Variants in PAN3 observed in about 807,000 individuals in gnomAD.
The protein encoded by PAN3 is PAN2-PAN3 deadenylation complex subunit PAN3.
In PAN3, 19 loss-of-function variants were observed where a neutral mutation model predicts 96.2. That is an observed-to-expected ratio of 0.20 (90% CI 0.14 to 0.29). The LOEUF is 0.29. Among genes scored for constraint, PAN3 ranks in the 10% least tolerant of loss-of-function variants. The pLI is 1.00. For synonymous variants in PAN3, 433 were observed against 406.6 expected (o/e 1.06, Z -0.78); for missense variants, 882 against 1,108.1 (o/e 0.80, Z 2.90).
intron 17 of PAN3, among the ~76,000 whole-genome samples, chr13:28,286,121 A>G (rs959704246): frequency 1.3e-5 from 2 of 152,182 alleles, no homozygotes; most frequent in African/African-American, 4.8e-5. Flanking sequence ...GTTGTTATAC[A>G]TGATTTTTGT....
chr13:28,166,584 A>G (rs371782106), intron 1 of PAN3, among the ~76,000 whole-genome samples: 16 of 152,182 alleles, frequency 1.1e-4, no homozygotes, highest in African/African-American at 3.1e-4. Context: ...TGCCTTCACA[A>G]CTTCACTAGA....
chr13:28,293,070 A>G lies in PAN3; in HGVS notation c.*548A>G, dbSNP rs1869947975. 1 of 152,126 alleles carries G rather than the reference A, an allele frequency of 6.6e-6. No homozygotes were observed. The highest frequency in any genetic ancestry group is 2.4e-5 in the African/African-American group (1 of 41,412). 9.4% of individuals were successfully genotyped at this position (152,126 alleles called of 1,614,324 possible). On this transcript the variant is annotated 3_prime_UTR_variant, in exon 19 of 19. Coordinates refer to ENST00000380958, the MANE Select transcript of PAN3 (RefSeq NM_175854.8). ...TATGCAAGCTCTCTGTATGCCACCC[A>G]CTGTTAGTTCAAATTGAGATTTTTG...
intron 3 of PAN3, 24 bp downstream of exon 3, chr13:28,176,583 A>G (rs1312767449): frequency 3.7e-6 from 6 of 1,601,316 alleles, no homozygotes; most frequent in Non-Finnish European, 5.1e-6. Context: ...CCTTTTGCTT[A>G]TGTGTGTCTG....
chr13:28,198,840 T>TCAA (rs1412863716), intron 5 of PAN3, among the ~76,000 whole-genome samples: 2 of 152,206 alleles, frequency 1.3e-5, no homozygotes, highest in Admixed American at 1.3e-4. Flanking sequence ...ATAAATAGGT[T>TCAA]CCACAGTATT....
rs1240219207 is a variant in PAN3, at chr13:28,141,013, T to TTTTTTTC, written c.430+1932_430+1933insCTTTTTT. On this transcript the variant is annotated intron_variant, in intron 1 of 18. Coordinates refer to ENST00000380958, the MANE Select transcript of PAN3 (RefSeq NM_175854.8). Reference sequence around the variant, plus strand: ...TGACAGAAAGAGACACTTTTTTTTTTTTTTTTTTTGAGACGGAGGCTTGCT... The same window carrying TTTTTTTC: ...TGACAGAAAGAGACACTTTTTTTTTTTTTTTTCTTTTTTTTTGAGACGGAGGCTTGCT... Among the ~76,000 whole-genome samples the TTTTTTTC allele has an allele frequency of 2.0e-4, 30 of 148,708 alleles. No individual in the cohort carries two copies. In the South Asian group the frequency reaches 5.4e-3, roughly 27 times the overall value.
rs116289387 is a variant in PAN3, at chr13:28,262,255, C to G, written c.1411+797C>G. Among the ~76,000 whole-genome samples the G allele has an allele frequency of 4.4e-3, 666 of 152,260 alleles. 9 individuals are homozygous for G. The highest frequency in any genetic ancestry group is 0.015 in the African/African-American group (633 of 41,544). On this transcript the variant is annotated intron_variant, in intron 9 of 18. Transcript: ENST00000380958. Reference sequence around the variant, plus strand: ...ATTCCAGACTTAAAACTAGGTTGTTCTAACTGTACCACAATATTTCTTAAA... The same window carrying G: ...ATTCCAGACTTAAAACTAGGTTGTTGTAACTGTACCACAATATTTCTTAAA...
intron 6 of PAN3, among the ~76,000 whole-genome samples, chr13:28,244,888 G>A (rs371751161): frequency 4.6e-5 from 7 of 151,348 alleles, no homozygotes; most frequent in South Asian, 2.1e-4. Context: ...TTGCTGTGTC[G>A]CCCAGGCTGG....
chr13:28,270,024 T>C (rs3764095), intron 12 of PAN3, among the ~76,000 whole-genome samples: 20,557 of 152,040 alleles, frequency 0.14, 1,615 homozygotes, highest in East Asian at 0.33. Context: ...GCCCAGGAGT[T>C]GGAGATCAGC....
At chr13:28,197,796 C>T (rs1379630936) in intron 5 of PAN3, among the ~76,000 whole-genome samples, 1 of 152,044 alleles carries the variant, frequency 6.6e-6, no homozygotes, top group East Asian at 1.9e-4. Flanking sequence ...GTCTCGAACT[C>T]CTACCTCAGG....
rs536414825 is a variant in PAN3, at chr13:28,158,722, C to T, written c.431-15550C>T. Among the ~76,000 whole-genome samples the T allele has an allele frequency of 3.9e-5, 6 of 152,018 alleles. No homozygotes were observed. In the South Asian group the frequency reaches 6.3e-4, roughly 16 times the overall value. On this transcript the variant is annotated intron_variant, in intron 1 of 18. Coordinates refer to ENST00000380958, the MANE Select transcript of PAN3 (RefSeq NM_175854.8). ...TGAAACCCCGTCTCTACTAAATATA[C>T]AAAAAATTAGTTGGGTGTGGTGGTG...
chr13:28,191,787 AT>A (rs916271890), intron 4 of PAN3, among the ~76,000 whole-genome samples: 50 of 151,384 alleles, frequency 3.3e-4, no homozygotes, highest in Admixed American at 2.7e-3. Flanking sequence ...ATTTATTTTA[AT>A]TTTTTTTTGA....
chr13:28,199,685 G>GT (rs1279593434), intron 5 of PAN3, among the ~76,000 whole-genome samples: 1 of 151,936 alleles, frequency 6.6e-6, no homozygotes, highest in Non-Finnish European at 1.5e-5. Context: ...TTGTATTGGA[G>GT]TTTTTATCTT....
chr13:28,285,433 GTTTT>G (rs1194721090), intron 17 of PAN3, among the ~76,000 whole-genome samples: 2 of 151,986 alleles, frequency 1.3e-5, no homozygotes, highest in African/African-American at 4.8e-5. Context: ...AAGCTTTTGG[GTTTT>G]GTTTGTTTGT....
intron 6 of PAN3, among the ~76,000 whole-genome samples, chr13:28,238,468 A>G (rs1321182718): frequency 6.6e-6 from 1 of 152,230 alleles, no homozygotes; most frequent in Non-Finnish European, 1.5e-5. Context: ...AATTTTCAAG[A>G]CAATGCATGG....
At chr13:28,271,431 C>T (rs1331486195) in intron 13 of PAN3, among the ~76,000 whole-genome samples, 1 of 152,112 alleles carries the variant, frequency 6.6e-6, no homozygotes, top group Non-Finnish European at 1.5e-5. Flanking sequence ...GATCTGGTAC[C>T]AAGTTATTTA....
chr13:28,192,097 G>A (rs1877351748), intron 4 of PAN3, among the ~76,000 whole-genome samples: 1 of 144,202 alleles, frequency 6.9e-6, no homozygotes, highest in Admixed American at 7.1e-5. Context: ...CCAGGCTGGA[G>A]TGCAGTGGCA....
At chr13:28,247,906 T>C (rs1884358620) in intron 6 of PAN3, among the ~76,000 whole-genome samples, 1 of 152,122 alleles carries the variant, frequency 6.6e-6, no homozygotes, top group Non-Finnish European at 1.5e-5. Flanking sequence ...GCTATTCAGG[T>C]TTTTTTAGTT....
At chr13:28,163,391 G>T (rs932251126) in intron 1 of PAN3, among the ~76,000 whole-genome samples, 1 of 152,056 alleles carries the variant, frequency 6.6e-6, no homozygotes, top group Non-Finnish European at 1.5e-5. Flanking sequence ...AATAATTGGG[G>T]AATACTTTCT....
intron 6 of PAN3, among the ~76,000 whole-genome samples, chr13:28,221,899 C>T (rs1291811435): frequency 1.3e-5 from 2 of 152,146 alleles, no homozygotes; most frequent in Middle Eastern, 3.2e-3. Context: ...ATGAGCTACA[C>T]ATCTTAAAAT....
Sources: gnomAD v4.1 joint callset for allele counts (sites outside exome capture counted in the v4.1 genomes callset) on GRCh38, gnomAD v4.1.1 for gene constraint, MANE v1.5 for transcripts, NCBI Gene and HGNC (gene_info 2026-07-23, HGNC 2026-07-21) for gene names.